The following ACTR1A variants were observed in gnomAD, a reference collection of about 807,000 sequenced individuals.
ACTR1A encodes actin related protein 1A, also known as alpha-centractin.
ACTR1A carries 10 observed loss-of-function variants against 50.7 expected under a neutral mutation model. That is an observed-to-expected ratio of 0.20 (90% CI 0.12 to 0.33). The LOEUF is 0.33. Among genes scored for constraint, ACTR1A ranks in the 10% least tolerant of loss-of-function variants. The pLI, the probability that ACTR1A is intolerant of heterozygous loss-of-function variation, is 1.00. For missense variants in ACTR1A, 253 were observed against 491.7 expected, an observed-to-expected ratio of 0.51 and a Z score of 4.59; for synonymous variants, 177 against 184.2, an observed-to-expected ratio of 0.96 and a Z score of 0.32.
Position 102,488,071 on chromosome 10 carries a change from C to G in ACTR1A, c.315+79G>C, listed in dbSNP as rs555565543. 2.0e-5 allele frequency: 30 copies of G among 1,523,518 alleles called. No homozygotes were observed. In the African/African-American group the frequency reaches 3.9e-4, roughly 20 times the overall value. The allele number at this position is 1,523,518 out of a possible 1,614,324, so 94.4% of individuals were successfully genotyped here. A position where few individuals can be genotyped will look rare whatever the true frequency, so the allele number is the denominator to read the frequency against. On this transcript the variant is annotated intron_variant, in intron 4 of 10. Transcript: ENST00000369905. This position sits in a 1 kb window ranked among gnomAD's most constrained non-coding sequence, Gnocchi z 4.4. ...CAGCACTCTTGGCAGTGATCATCGT[C>G]CTCCTCATCATCTCTAGGGTAGGAG...
At chr10:102,499,193 G>A (rs1005850584) in intron 1 of ACTR1A, among the ~76,000 whole-genome samples, 1 of 152,076 alleles carries the variant, frequency 6.6e-6, no homozygotes, top group Non-Finnish European at 1.5e-5. Context: ...GTTAAGCTAT[G>A]GAGTTAACAT....
Position 102,502,688 on chromosome 10 carries a change from C to A in ACTR1A, c.-41G>T, listed in dbSNP as rs1197915798. On this transcript the variant is annotated 5_prime_UTR_variant, in exon 1 of 11. Transcript: ENST00000369905. ...CCTTCTGGGGAAGGAACTGCCCAGC[C>A]GGGTCCGCCGCTAGCGCCACTGACA... 1 of 1,609,920 alleles carries A rather than the reference C, an allele frequency of 6.2e-7. No individual in the cohort carries two copies. Among genetic ancestry groups the A allele is most frequent in the East Asian group, 2.2e-5 (1 of 44,858 alleles).
rs1437490650 is a variant in ACTR1A, at chr10:102,480,609, G to A, written c.*254C>T. 1 of 537,000 alleles carries A rather than the reference G, an allele frequency of 1.9e-6. No individual in the cohort carries two copies. Among genetic ancestry groups the A allele is most frequent in the East Asian group, 3.2e-5 (1 of 31,266 alleles). 33.3% of individuals were successfully genotyped at this position (537,000 alleles called of 1,614,324 possible). A position where few individuals can be genotyped will look rare whatever the true frequency, so the allele number is the denominator to read the frequency against. ...AGAGGCCACCTGAGGAGGGAGCACA[G>A]CCTCTGCCAGCGCTCTTCCCTGTCA... is the stretch of plus-strand genomic sequence containing the variant. On this transcript the variant is annotated 3_prime_UTR_variant, in exon 11 of 11. Coordinates refer to ENST00000369905, the MANE Select transcript of ACTR1A (RefSeq NM_005736.4).
At position 102,488,251 on chromosome 10, in the gene ACTR1A, G is replaced by A. The variant is rs117277603; in HGVS notation, c.214C>T (p.Arg72Cys). ...ACGATGCCATGCTCCATGGGATAGC[G>A]GATTGAAAGCAGCCCTCGGTGCTCC... ...AEEHRGLLSI[R>C]YPMEHGIVKD... Residue 72 changes from arginine to cysteine, a missense_variant, in exon 4 of 11, where the codon CGC (arginine) becomes TGC (cysteine). Physicochemically the swap from Arg to Cys is radical, Grantham distance 180. This residue lies in a region of ACTR1A where 96 missense variants were observed against 238.7 expected (regional missense o/e 0.40). Coordinates refer to ENST00000369905, the MANE Select transcript of ACTR1A (RefSeq NM_005736.4). The surrounding 1 kb of genome is among the most constrained non-coding windows in gnomAD (Gnocchi z 4.4). 210 of 1,613,878 alleles carry A rather than the reference G, an allele frequency of 1.3e-4. No individual in the cohort carries two copies. In the East Asian group the frequency reaches 4.1e-3, roughly 32 times the overall value.
intron 4 of ACTR1A, among the ~76,000 whole-genome samples, chr10:102,486,330 A>G (rs2062167946): frequency 6.6e-6 from 1 of 152,118 alleles, no homozygotes; most frequent in African/African-American, 2.4e-5. Flanking sequence ...ACCCCCATGG[A>G]AAAACTGTCT....
intron 6 of ACTR1A, chr10:102,483,554 C>T (rs1213406196): frequency 1.3e-5 from 2 of 158,390 alleles, no homozygotes; most frequent in Non-Finnish European, 2.8e-5. Flanking sequence ...AATAAAAAAA[C>T]CAGGAGTGGG....
Position 102,485,732 on chromosome 10 carries a change from T to A in ACTR1A, c.317A>T (p.His106Leu). The stretch of plus-strand genomic sequence containing the variant: ...AGGCGCCTCAGTCAGGAGCACAGGA[T>A]GCTGGTGAAAGGAGCCCGGGAGACA... ...KDQLQTFSEE[H>L]PVLLTEAPLN... The change falls in exon 5 of 11, where the codon CAT (histidine) becomes CTT (leucine). Residue 106 changes from histidine (H) to leucine (L), a missense_variant and splice_region_variant. Transcript: ENST00000369905. 1 of 1,613,994 alleles carries A rather than the reference T, an allele frequency of 6.2e-7. No individual in the cohort carries two copies. The highest frequency in any genetic ancestry group is 8.5e-7 in the Non-Finnish European group (1 of 1,180,010).
chr10:102,494,534 G>A (rs1445826280), intron 1 of ACTR1A, among the ~76,000 whole-genome samples: 1 of 152,196 alleles, frequency 6.6e-6, no homozygotes, highest in Non-Finnish European at 1.5e-5. Flanking sequence ...GGAGGCTGAG[G>A]TTGGAGGATC....
chr10:102,482,251 C>T lies in ACTR1A; in HGVS notation c.751-76G>A, dbSNP rs1235459084. The T allele has an allele frequency of 4.7e-5, 66 of 1,405,838 alleles. No individual in the cohort carries two copies. The highest frequency in any genetic ancestry group is 5.8e-5 in the Non-Finnish European group (59 of 1,012,798). 87.1% of individuals were successfully genotyped at this position (1,405,838 alleles called of 1,614,324 possible). ...TTTGGGAGTGGGAATGGAAGACGCCCCTCTGCACGTCACTTAGTAACTGGG... is the reference window on the plus strand; with the variant it reads ...TTTGGGAGTGGGAATGGAAGACGCCTCTCTGCACGTCACTTAGTAACTGGG... On this transcript the variant is annotated intron_variant, in intron 7 of 10. Coordinates refer to ENST00000369905, the MANE Select transcript of ACTR1A (RefSeq NM_005736.4). This position sits in a 1 kb window ranked among gnomAD's most constrained non-coding sequence, Gnocchi z 5.6.
Position 102,484,146 on chromosome 10 carries a change from G to A in ACTR1A, c.657+14C>T, listed in dbSNP as rs370101460. ...ACCCCCACTCCATCCCTAGGCCCAGGGGGCAGCACTTACTTCTTTTATGGC... is the reference window on the plus strand; with the variant it reads ...ACCCCCACTCCATCCCTAGGCCCAGAGGGCAGCACTTACTTCTTTTATGGC... On this transcript the variant is annotated intron_variant, in intron 6 of 10. Coordinates refer to ENST00000369905, the MANE Select transcript of ACTR1A (RefSeq NM_005736.4). 3 of 1,613,226 alleles carry A rather than the reference G, an allele frequency of 1.9e-6. No homozygotes were observed. The highest frequency in any genetic ancestry group is 1.7e-6 in the Non-Finnish European group (2 of 1,179,274).
chr10:102,486,397 T>C (rs1364456305), intron 4 of ACTR1A, among the ~76,000 whole-genome samples: 1 of 152,092 alleles, frequency 6.6e-6, no homozygotes, highest in African/African-American at 2.4e-5. Flanking sequence ...TTAAAAAAAC[T>C]GTCTGAAAAC....
intron 4 of ACTR1A, among the ~76,000 whole-genome samples, chr10:102,487,669 T>C (rs2062175230): frequency 6.8e-6 from 1 of 147,240 alleles, no homozygotes. Flanking sequence ...TCTCACTCTG[T>C]CACCCAGGCT....
intron 6 of ACTR1A, chr10:102,483,496 A>G (rs1311872270): frequency 1.2e-5 from 2 of 171,892 alleles, no homozygotes; most frequent in South Asian, 1.6e-4. Flanking sequence ...TACAAAGACA[A>G]ATGTTTTAAA....
chr10:102,480,920 G>A lies in ACTR1A; in HGVS notation c.1074C>T (p.Val358=). The A allele has an allele frequency of 6.2e-7, 1 of 1,614,140 alleles. No homozygotes were observed. The highest frequency in any genetic ancestry group is 8.5e-7 in the Non-Finnish European group (1 of 1,180,006). The part of the protein sequence containing the change: ...ASLDTFKKMW[V]SKKEYEEDGA... Reference sequence around the variant, plus strand: ...CGTCTTCCTCATATTCCTTTTTGGAGACCCACATCTTCTTAAAGGTGTCCA... The same window carrying A: ...CGTCTTCCTCATATTCCTTTTTGGAAACCCACATCTTCTTAAAGGTGTCCA... The change falls in exon 11 of 11, where the codon GTC becomes GTT. Residue 358 remains valine, a synonymous_variant. Coordinates refer to ENST00000369905, the MANE Select transcript of ACTR1A (RefSeq NM_005736.4).
At chr10:102,495,233 T>A (rs1019429128) in intron 1 of ACTR1A, among the ~76,000 whole-genome samples, 1 of 152,044 alleles carries the variant, frequency 6.6e-6, no homozygotes, top group African/African-American at 2.4e-5. Context: ...CACTCCAGAC[T>A]GGGCGATAGA....
intron 1 of ACTR1A, among the ~76,000 whole-genome samples, chr10:102,495,821 C>G (rs1385182403): frequency 3.2e-4 from 44 of 137,522 alleles, no homozygotes; most frequent in African/African-American, 1.1e-3. Context: ...AGTGCAGTGG[C>G]GTGATCTCGG....
chr10:102,488,072 C>T lies in ACTR1A; in HGVS notation c.315+78G>A. 4 of 1,525,328 alleles carry T rather than the reference C, an allele frequency of 2.6e-6. No homozygotes were observed. The highest frequency in any genetic ancestry group is 3.6e-6 in the Non-Finnish European group (4 of 1,112,694). 94.5% of individuals were successfully genotyped at this position (1,525,328 alleles called of 1,614,324 possible). ...AGCACTCTTGGCAGTGATCATCGTCCTCCTCATCATCTCTAGGGTAGGAGT... is the reference window on the plus strand; with the variant it reads ...AGCACTCTTGGCAGTGATCATCGTCTTCCTCATCATCTCTAGGGTAGGAGT... On this transcript the variant is annotated intron_variant, in intron 4 of 10. Coordinates refer to ENST00000369905, the MANE Select transcript of ACTR1A (RefSeq NM_005736.4). This position sits in a 1 kb window ranked among gnomAD's most constrained non-coding sequence, Gnocchi z 4.4.
At chr10:102,494,058 C>T (rs1464811049) in intron 1 of ACTR1A, among the ~76,000 whole-genome samples, 1 of 152,264 alleles carries the variant, frequency 6.6e-6, no homozygotes, top group Non-Finnish European at 1.5e-5. Flanking sequence ...CACACAAATT[C>T]TGCTCAAGAG....
chr10:102,482,451 C>T lies in ACTR1A; in HGVS notation c.751-276G>A. 2.1e-6 allele frequency: 1 copy of T among 481,866 alleles called. No homozygotes were observed. The highest frequency in any genetic ancestry group is 1.9e-5 in the African/African-American group (1 of 51,526). 29.8% of individuals were successfully genotyped at this position (481,866 alleles called of 1,614,324 possible). A position where few individuals can be genotyped will look rare whatever the true frequency, so the allele number is the denominator to read the frequency against. On this transcript the variant is annotated intron_variant, in intron 7 of 10. Coordinates refer to ENST00000369905, the MANE Select transcript of ACTR1A (RefSeq NM_005736.4). The surrounding 1 kb of genome is among the most constrained non-coding windows in gnomAD (Gnocchi z 5.6). Reference sequence around the variant, plus strand: ...TGGATTTATTTGCTCATGGAAACGTCTTCCTAGCAATGGGGGTTCAAGGGA... The same window carrying T: ...TGGATTTATTTGCTCATGGAAACGTTTTCCTAGCAATGGGGGTTCAAGGGA...
Sources: allele counts gnomAD v4.1 joint callset (sites outside exome capture counted in the v4.1 genomes callset), GRCh38; gene constraint gnomAD v4.1.1; regional missense constraint gnomAD v4.1.1; non-coding constraint Gnocchi (gnomAD v3.1); transcripts MANE v1.5; gene names NCBI Gene and HGNC (gene_info 2026-07-23, HGNC 2026-07-21).